Variants in C3orf49 observed in about 807,000 individuals in gnomAD.
C3orf49 encodes chromosome 3 open reading frame 49.
A neutral mutation model predicts 13.3 loss-of-function variants in C3orf49; 27 were observed. The observed-to-expected ratio is 2.02, with a 90% CI of 1.49 to 2.79. The LOEUF (loss-of-function observed/expected upper bound fraction) is 2.79, where lower values mean the gene tolerates loss of function less well. Among genes scored for constraint, C3orf49 ranks in the 30% most tolerant of loss-of-function variants. C3orf49 has a pLI of 0.00. For synonymous variants in C3orf49, 87 were observed against 47.6 expected, an observed-to-expected ratio of 1.83 and a Z score of -3.40; for missense variants, 242 against 134.2, an observed-to-expected ratio of 1.80 and a Z score of -3.97.
chr3:63,811,714 A>G, the C3orf49 span, among the ~76,000 whole-genome samples: 1 of 151,974 alleles, frequency 6.6e-6, no homozygotes, highest in African/African-American at 2.4e-5. Flanking sequence ...TCTCTAGAAT[A>G]AAATAAAAAG....
the C3orf49 span, among the ~76,000 whole-genome samples, chr3:63,814,018 AC>A: frequency 3.9e-5 from 6 of 152,242 alleles, no homozygotes; most frequent in Non-Finnish European, 8.8e-5. Flanking sequence ...ATCTCAGCTT[AC>A]CAAGTTTGCA....
At chr3:63,794,220 C>T in the C3orf49 span, among the ~76,000 whole-genome samples, 6 of 149,636 alleles carry the variant, frequency 4.0e-5, no homozygotes, top group East Asian at 1.9e-4. Flanking sequence ...GGCAAAAGAA[C>T]GAACATGCAA....
chr3:63,814,564 T>A (rs1283139327), upstream of C3orf49, among the ~76,000 whole-genome samples: 1 of 152,106 alleles, frequency 6.6e-6, no homozygotes, highest in African/African-American at 2.4e-5. Context: ...GGAGATTGTG[T>A]TTTGACCAGA....
At chr3:63,821,676 G>A (rs1701396551) in intron 1 of C3orf49, among the ~76,000 whole-genome samples, 1 of 152,020 alleles carries the variant, frequency 6.6e-6, no homozygotes, top group Admixed American at 6.6e-5. Context: ...GAATTATGCT[G>A]AGTGAAAAAA....
At chr3:63,802,752 T>C in the C3orf49 span, among the ~76,000 whole-genome samples, 14,942 of 152,138 alleles carry the variant, frequency 0.098, 1,364 homozygotes, top group African/African-American at 0.24. Context: ...ATAATTAAAG[T>C]GCAGAAAGTC....
At chr3:63,818,201 T>C (rs1334864596), upstream of C3orf49, among the ~76,000 whole-genome samples, 1 of 151,978 alleles carries the variant, frequency 6.6e-6, no homozygotes, top group Non-Finnish European at 1.5e-5. Flanking sequence ...AATTTTGCCA[T>C]AAAACTATGG....
the C3orf49 span, among the ~76,000 whole-genome samples, chr3:63,790,093 G>A: frequency 1.8e-4 from 28 of 152,068 alleles, no homozygotes; most frequent in Middle Eastern, 3.4e-3. Flanking sequence ...GCAAGTTTTC[G>A]CTGTAGTATC....
the C3orf49 span, among the ~76,000 whole-genome samples, chr3:63,791,885 A>C: frequency 6.6e-6 from 1 of 152,204 alleles, no homozygotes; most frequent in South Asian, 2.1e-4. Context: ...TTGGGCCTTC[A>C]ACAAAGTGTT....
chr3:63,795,107 T>G, the C3orf49 span, among the ~76,000 whole-genome samples: 1 of 152,114 alleles, frequency 6.6e-6, no homozygotes, highest in Non-Finnish European at 1.5e-5. Flanking sequence ...CATAGAAGTT[T>G]AACTTTGTAA....
At chr3:63,836,443 C>A (rs1701636882) in intron 5 of C3orf49, 4 of 1,252,606 alleles carry the variant, frequency 3.2e-6, no homozygotes, top group South Asian at 1.3e-5. Flanking sequence ...ACAAACCTCT[C>A]CTAATCACTT....
the C3orf49 span, among the ~76,000 whole-genome samples, chr3:63,795,711 C>T: frequency 1.3e-5 from 2 of 152,242 alleles, no homozygotes; most frequent in Admixed American, 6.5e-5. Flanking sequence ...TGATGAACTA[C>T]GTATTTTTAA....
intron 6 of C3orf49, among the ~76,000 whole-genome samples, chr3:63,846,854 G>A (rs552636782): frequency 7.2e-5 from 11 of 152,192 alleles, no homozygotes; most frequent in African/African-American, 2.4e-4. Flanking sequence ...AGTCCCGTCC[G>A]ATCTACTTAT....
chr3:63,797,666 TC>T, the C3orf49 span, among the ~76,000 whole-genome samples: 1 of 152,168 alleles, frequency 6.6e-6, no homozygotes, highest in Non-Finnish European at 1.5e-5. Flanking sequence ...CTAGCAGTCT[TC>T]CGTTTACCTG....
the C3orf49 span, among the ~76,000 whole-genome samples, chr3:63,799,483 GAAGGCAATAC>G: frequency 0.022 from 3,320 of 152,100 alleles, 39 homozygotes; most frequent in Non-Finnish European, 0.034. Flanking sequence ...GCCAGTCTGG[GAAGGCAATAC>G]AACACTAAAA....
At position 63,831,735 on chromosome 3, in the gene C3orf49, G is replaced by A. The variant is rs1302768957; in HGVS notation, c.740G>A (p.Arg247Lys). 1 of 702,956 alleles carries A rather than the reference G, an allele frequency of 1.4e-6. No homozygotes were observed. Among genetic ancestry groups the A allele is most frequent in the Admixed American group, 2.0e-5 (1 of 49,988 alleles). The allele number at this position is 702,956 out of a possible 1,614,324, so 43.5% of individuals were successfully genotyped here. The change falls in exon 5 of 7, where the codon AGA becomes AAA. Residue 247 changes from arginine (R) to lysine (K), a missense_variant. Coordinates refer to ENST00000295896, the MANE Select transcript of C3orf49 (RefSeq NM_001355236.2). ...AAATCCATGAAGCTACTGGCCCAAA[G>A]ACATGCTGAGCTTCAACAGTGTGAG... is the stretch of plus-strand genomic sequence containing the variant. Reference protein sequence around the residue: ...TDKSMKLLAQRHAELQQCEFL... With the variant: ...TDKSMKLLAQKHAELQQCEFL...
intron 5 of C3orf49, chr3:63,836,388 A>G (rs1396564110): frequency 1.2e-6 from 2 of 1,606,324 alleles, no homozygotes; most frequent in East Asian, 4.5e-5. Flanking sequence ...TTATCAAACT[A>G]AGGATTTTTT....
the C3orf49 span, among the ~76,000 whole-genome samples, chr3:63,800,861 G>C: frequency 6.6e-6 from 1 of 152,106 alleles, no homozygotes; most frequent in Non-Finnish European, 1.5e-5. Flanking sequence ...CTGAGGGGAA[G>C]AACCACCCAG....
chr3:63,816,333 G>A (rs1701324068), upstream of C3orf49, among the ~76,000 whole-genome samples: 1 of 152,014 alleles, frequency 6.6e-6, no homozygotes, highest in South Asian at 2.1e-4. Context: ...CAGTAAGGCT[G>A]TAATCCCAGC....
At chr3:63,790,750 C>T in the C3orf49 span, among the ~76,000 whole-genome samples, 1 of 152,170 alleles carries the variant, frequency 6.6e-6, no homozygotes, top group Non-Finnish European at 1.5e-5. Flanking sequence ...TATAGGTTCT[C>T]TTGCAGCTCA....
Sources: gnomAD v4.1 joint callset for allele counts (sites outside exome capture counted in the v4.1 genomes callset) on GRCh38, gnomAD v4.1.1 for gene constraint, MANE v1.5 for transcripts, NCBI Gene and HGNC (gene_info 2026-07-23, HGNC 2026-07-21) for gene names.